The following IMPG1 variants were observed in gnomAD, a reference collection of about 807,000 sequenced individuals.
IMPG1 encodes interphotoreceptor matrix proteoglycan of 150 kDa.
IMPG1 carries 85 observed loss-of-function variants against 92.0 expected under a neutral mutation model. That is an observed-to-expected ratio of 0.92 (90% CI 0.78 to 1.11). The LOEUF is 1.11. Among genes scored for constraint, IMPG1 ranks in the 50% least tolerant of loss-of-function variants. The pLI, the probability that IMPG1 is intolerant of heterozygous loss-of-function variation, is 0.00. For missense variants in IMPG1, 1,022 were observed against 956.0 expected (o/e 1.07, Z -0.91); for synonymous variants, 367 against 334.1 (o/e 1.10, Z -1.08).
intron 1 of IMPG1, among the ~76,000 whole-genome samples, chr6:76,046,891 A>AAATTTTCAT (rs1783953686): frequency 6.6e-6 from 1 of 152,216 alleles, no homozygotes; most frequent in South Asian, 2.1e-4. Flanking sequence ...GCTTTATTCA[A>AAATTTTCAT]AATTTTCATT....
intron 12 of IMPG1, among the ~76,000 whole-genome samples, chr6:75,984,139 A>T (rs1479093657): frequency 6.6e-6 from 1 of 152,252 alleles, no homozygotes; most frequent in Non-Finnish European, 1.5e-5. Context: ...TAGTGTAACC[A>T]TTAAGTAAAG....
Position 75,976,390 on chromosome 6 carries a change from C to T in IMPG1, c.1292-25296G>A, listed in dbSNP as rs555325660. ...CAGCCTGAGCAAAATGGTGAAACCA[C>T]GTCTCTACCAAAAATACAACAATTA... On this transcript the variant is annotated intron_variant, in intron 12 of 16. Transcript: ENST00000369950. 1.1e-3 allele frequency among the ~76,000 whole-genome samples: 160 copies of T among 152,172 alleles called. 1 individual carries two copies. Among genetic ancestry groups the T allele is most frequent in the African/African-American group, 3.7e-3 (152 of 41,526 alleles).
intron 15 of IMPG1, among the ~76,000 whole-genome samples, chr6:75,930,237 G>A (rs1029247187): frequency 1.8e-4 from 27 of 152,078 alleles, no homozygotes; most frequent in African/African-American, 6.0e-4. Context: ...CACATCTAGA[G>A]AATGGACTGT....
intron 12 of IMPG1, among the ~76,000 whole-genome samples, chr6:75,956,226 C>G (rs1782117844): frequency 6.6e-6 from 1 of 152,146 alleles, no homozygotes; most frequent in Non-Finnish European, 1.5e-5. Context: ...CCATCCAGTC[C>G]TGGGCTTTTC....
intron 6 of IMPG1, among the ~76,000 whole-genome samples, chr6:76,020,184 C>T (rs1783393406): frequency 6.6e-6 from 1 of 152,102 alleles, no homozygotes; most frequent in South Asian, 2.1e-4. Flanking sequence ...TCTCAAGTAG[C>T]TGGGACTACA....
intron 15 of IMPG1, among the ~76,000 whole-genome samples, chr6:75,924,622 A>C (rs866902218): frequency 2.0e-4 from 6 of 29,518 alleles, no homozygotes; most frequent in African/African-American, 6.8e-4. Context: ...TATAATATAT[A>C]ATAAATTATA....
At position 76,072,513 on chromosome 6, in the gene IMPG1, C is replaced by G. The variant is rs575318876; in HGVS notation, c.-25G>C. The G allele has an allele frequency of 7.0e-7, 1 of 1,432,152 alleles. No homozygotes were observed. Among genetic ancestry groups the G allele is most frequent in the African/African-American group, 1.4e-5 (1 of 70,144 alleles). The allele number at this position is 1,432,152 out of a possible 1,614,324, so 88.7% of individuals were successfully genotyped here. ...TTCTGGCTTTTGTGCATTGGTAATT[C>G]TGATAACAATCACAGAACAACCTCA... On this transcript the variant is annotated 5_prime_UTR_variant, in exon 1 of 17. Transcript: ENST00000369950.
Position 75,933,869 on chromosome 6 carries a change from A to G in IMPG1, c.2045-2718T>C, listed in dbSNP as rs1413115884. 2.0e-5 allele frequency among the ~76,000 whole-genome samples: 3 copies of G among 152,252 alleles called. No homozygotes were observed. The East Asian group carries it at 5.8e-4, about 29-fold the overall frequency. On this transcript the variant is annotated intron_variant, in intron 14 of 16. Coordinates refer to ENST00000369950, the MANE Select transcript of IMPG1 (RefSeq NM_001563.4). The stretch of plus-strand genomic sequence containing the variant: ...AACATGTGTCTTCAATAATATTCAC[A>G]GCACCTCTCAAATCCATATGGATAT...
At chr6:76,003,530 G>T (rs953038429) in intron 11 of IMPG1, among the ~76,000 whole-genome samples, 3 of 151,982 alleles carry the variant, frequency 2.0e-5, no homozygotes, top group Non-Finnish European at 2.9e-5. Flanking sequence ...ATATATTTCT[G>T]AAAGTCAAAT....
Position 76,041,932 on chromosome 6 carries a change from G to C in IMPG1, c.262C>G (p.Gln88Glu). The C allele has an allele frequency of 6.2e-7, 1 of 1,613,662 alleles. No homozygotes were observed. Among genetic ancestry groups the C allele is most frequent in the Non-Finnish European group, 8.5e-7 (1 of 1,179,612 alleles). ...TAAGCTTGAAGACTGTCTAAAATCTGTTTCATGGATTCCTGTGGACAGACT... is the reference window on the plus strand; with the variant it reads ...TAAGCTTGAAGACTGTCTAAAATCTCTTTCATGGATTCCTGTGGACAGACT... ...VKVCPQESMKQILDSLQAYYR... is the reference protein window; with the variant it reads ...VKVCPQESMKEILDSLQAYYR... The change falls in exon 2 of 17, where the codon CAG becomes GAG. Residue 88 changes from glutamine (Q) to glutamate (E), a missense_variant. Physicochemically the swap from Gln to Glu is conservative, Grantham distance 29. Transcript: ENST00000369950.
In IMPG1 at chr6:76,000,791, G is replaced by A. The variant is rs556401280; in HGVS notation, c.1291+2127C>T. Among the ~76,000 whole-genome samples the A allele has an allele frequency of 3.3e-5, 5 of 152,312 alleles. No homozygotes were observed. The South Asian group carries it at 8.3e-4, about 25-fold the overall frequency. On this transcript the variant is annotated intron_variant, in intron 12 of 16. Transcript: ENST00000369950. ...TTATGGGTTAGAGGTGAAACCCTGTGGTGATTAGGAGGTGACATAATAGAG... is the reference window on the plus strand; with the variant it reads ...TTATGGGTTAGAGGTGAAACCCTGTAGTGATTAGGAGGTGACATAATAGAG...
intron 1 of IMPG1, 21 bp from the exon 2 acceptor site, chr6:76,042,147 T>A: frequency 8.5e-7 from 1 of 1,182,366 alleles, no homozygotes; most frequent in South Asian, 1.2e-5. Flanking sequence ...AAGATTGATA[T>A]CCTGGTGAAT....
At position 75,950,616 on chromosome 6, in the gene IMPG1, C is replaced by T; in HGVS notation, c.1770G>A (p.Leu590=). 1.9e-6 allele frequency: 3 copies of T among 1,613,654 alleles called. No individual in the cohort carries two copies. Among genetic ancestry groups the T allele is most frequent in the Non-Finnish European group, 2.5e-6 (3 of 1,179,756 alleles). Residue 590 remains leucine, a synonymous_variant, in exon 13 of 17, where the codon CTG becomes CTA. Coordinates refer to ENST00000369950, the MANE Select transcript of IMPG1 (RefSeq NM_001563.4). ...GGTACTCCAGAGAGCTCTTGTTGAA[C>T]AGGTCGTTGGAGAAGGCCATGTTAG... The part of the protein sequence containing the change: ...RVANMAFSND[L]FNKSSLEYRA...
rs928498547 is a variant in IMPG1, at chr6:76,072,540, A to G, written c.-52T>C. On this transcript the variant is annotated 5_prime_UTR_variant, in exon 1 of 17. Coordinates refer to ENST00000369950, the MANE Select transcript of IMPG1 (RefSeq NM_001563.4). ...GATAACAATCACAGAACAACCTCAAATCTCATTAAAAAGTAACAGAAATGT... is the reference window on the plus strand; with the variant it reads ...GATAACAATCACAGAACAACCTCAAGTCTCATTAAAAAGTAACAGAAATGT... 3 of 1,030,962 alleles carry G rather than the reference A, an allele frequency of 2.9e-6. No individual in the cohort carries two copies. Among genetic ancestry groups the G allele is most frequent in the South Asian group, 1.4e-5 (1 of 70,862 alleles). 63.9% of individuals were successfully genotyped at this position (1,030,962 alleles called of 1,614,324 possible).
chr6:76,012,891 C>T lies in IMPG1; in HGVS notation c.808-1667G>A, dbSNP rs192928128. Among the ~76,000 whole-genome samples, 576 of 152,252 alleles carry T rather than the reference C, an allele frequency of 3.8e-3. 5 individuals are homozygous for T. Among genetic ancestry groups the T allele is most frequent in the African/African-American group, 0.013 (541 of 41,542 alleles). ...CTGCCTCAGACAGGGTCATGAACCCCGACTGTCTTCCATTCTAGAAAGCGC... is the reference window on the plus strand; with the variant it reads ...CTGCCTCAGACAGGGTCATGAACCCTGACTGTCTTCCATTCTAGAAAGCGC... On this transcript the variant is annotated intron_variant, in intron 7 of 16. Transcript: ENST00000369950.
At chr6:76,016,666 G>A (rs1050881420) in intron 7 of IMPG1, among the ~76,000 whole-genome samples, 12 of 152,292 alleles carry the variant, frequency 7.9e-5, no homozygotes, top group Admixed American at 3.9e-4. Flanking sequence ...TGAGAAGGGG[G>A]CCTGTTTGTT....
chr6:76,054,473 T>A lies in IMPG1; in HGVS notation c.68-12347A>T, dbSNP rs147913359. Among the ~76,000 whole-genome samples the A allele has an allele frequency of 7.4e-3, 1,120 of 152,266 alleles. 15 individuals are homozygous for A. Among genetic ancestry groups the A allele is most frequent in the African/African-American group, 0.026 (1,060 of 41,554 alleles). On this transcript the variant is annotated intron_variant, in intron 1 of 16. Transcript: ENST00000369950. ...AAAGACAGTGATTGTCAGACTACAT[T>A]TAAAAAGGTTCCCATGATTTGCTGT...
rs935940356 is a variant in IMPG1 at position 75,951,184 on chromosome 6, A to C, written c.1292-90T>G. ...AAAATCCAAAATTAAGCTTAACTTA[A>C]GAAAATACATAGCATTTGCGTAGAT... On this transcript the variant is annotated intron_variant, in intron 12 of 16. Coordinates refer to ENST00000369950, the MANE Select transcript of IMPG1 (RefSeq NM_001563.4). 31 of 948,006 alleles carry C rather than the reference A, an allele frequency of 3.3e-5. No homozygotes were observed. In the African/African-American group the frequency reaches 4.6e-4, roughly 14 times the overall value. 58.7% of individuals were successfully genotyped at this position (948,006 alleles called of 1,614,324 possible).
At chr6:76,066,338 A>T (rs1784310334) in intron 1 of IMPG1, among the ~76,000 whole-genome samples, 1 of 152,100 alleles carries the variant, frequency 6.6e-6, no homozygotes, top group South Asian at 2.1e-4. Context: ...TTGGTAAAAC[A>T]CTCATAGACT....
Sources: gnomAD v4.1 joint callset for allele counts (sites outside exome capture counted in the v4.1 genomes callset) on GRCh38, gnomAD v4.1.1 for gene constraint, MANE v1.5 for transcripts, NCBI Gene and HGNC (gene_info 2026-07-23, HGNC 2026-07-21) for gene names.